The following MCC variants were observed in gnomAD, a reference collection of about 807,000 sequenced individuals.
MCC encodes the protein MCC regulator of Wnt signaling pathway.
MCC carries 90 observed loss-of-function variants against 116.2 expected under a neutral mutation model. The observed-to-expected ratio is 0.77, with a 90% CI of 0.65 to 0.92. The LOEUF (loss-of-function observed/expected upper bound fraction) is 0.92. MCC is among the 40% of genes least tolerant of loss of function. MCC has a pLI of 0.00. For missense variants in MCC, 1,516 were observed against 1,312.2 expected, an observed-to-expected ratio of 1.16 and a Z score of -2.40; for synonymous variants, 578 against 510.5, an observed-to-expected ratio of 1.13 and a Z score of -1.78.
intron 11 of MCC, among the ~76,000 whole-genome samples, 154 bp from the exon 12 acceptor site, chr5:113,071,388 A>C (rs190918932): frequency 6.6e-6 from 1 of 152,366 alleles, no homozygotes; most frequent in Admixed American, 6.5e-5. Context: ...AAGCAACTCT[A>C]CATAAAAGTA....
At chr5:113,217,480 A>G (rs1205750862) in intron 3 of MCC, among the ~76,000 whole-genome samples, 1 of 150,308 alleles carries the variant, frequency 6.7e-6, no homozygotes, top group Non-Finnish European at 1.5e-5. Flanking sequence ...ACAAAACTTC[A>G]TCTTTCTTTA....
chr5:113,229,559 G>A (rs1314664308), intron 3 of MCC, among the ~76,000 whole-genome samples: 1 of 152,164 alleles, frequency 6.6e-6, no homozygotes, highest in Non-Finnish European at 1.5e-5. Context: ...CCCTCTGCAT[G>A]GGTTTAGGAT....
At chr5:113,091,369 G>A (rs1016241469) in intron 8 of MCC, among the ~76,000 whole-genome samples, 2 of 152,132 alleles carry the variant, frequency 1.3e-5, no homozygotes, top group African/African-American at 4.8e-5. Context: ...GGTCCACAAA[G>A]CTGCCAGACA....
rs535268405 is a variant in MCC at position 113,462,004 on chromosome 5, G to C, written c.170+26241C>G. On this transcript the variant is annotated intron_variant, in intron 1 of 18. Coordinates refer to ENST00000408903, the MANE Select transcript of MCC (RefSeq NM_001085377.2). ...GGACACTGTGAATGTAAGTCTGACT[G>C]GTAAAGTAAAAGGGTTTAACCTGCA... 2.1e-4 allele frequency among the ~76,000 whole-genome samples: 32 copies of C among 152,266 alleles called. No homozygotes were observed. In the South Asian group the frequency reaches 6.2e-3, roughly 30 times the overall value.
chr5:113,414,864 T>C (rs1346957140), intron 1 of MCC, among the ~76,000 whole-genome samples: 2 of 152,174 alleles, frequency 1.3e-5, no homozygotes, highest in African/African-American at 4.8e-5. Flanking sequence ...CCTAGCATAG[T>C]TGGTCTTTAC....
At chr5:113,256,333 C>T (rs1414161173) in intron 3 of MCC, among the ~76,000 whole-genome samples, 1 of 152,174 alleles carries the variant, frequency 6.6e-6, no homozygotes, top group Non-Finnish European at 1.5e-5. Context: ...AGATACTCTG[C>T]CAGGTGTTGT....
Position 113,239,417 on chromosome 5 carries a change from G to A in MCC, c.628-87995C>T, listed in dbSNP as rs747550243. On this transcript the variant is annotated intron_variant, in intron 3 of 18. Transcript: ENST00000408903. ...TACTCCCTTTCTCCAGGGGGTCCTCGCATGCAGCAGAGTTCTCAAACACCT... is the reference window on the plus strand; with the variant it reads ...TACTCCCTTTCTCCAGGGGGTCCTCACATGCAGCAGAGTTCTCAAACACCT... 4.6e-5 allele frequency among the ~76,000 whole-genome samples: 7 copies of A among 152,064 alleles called. No individual in the cohort carries two copies. The East Asian group carries it at 7.7e-4, about 17-fold the overall frequency.
chr5:113,094,355 C>T (rs745415524), intron 8 of MCC, among the ~76,000 whole-genome samples: 1 of 151,442 alleles, frequency 6.6e-6, no homozygotes, highest in Non-Finnish European at 1.5e-5. Flanking sequence ...GTTTTATAGC[C>T]CACTAAAGTA....
intron 2 of MCC, among the ~76,000 whole-genome samples, chr5:113,360,874 T>C (rs1768527839): frequency 6.6e-6 from 1 of 152,212 alleles, no homozygotes; most frequent in Non-Finnish European, 1.5e-5. Context: ...ACTCAGTTGC[T>C]ACCTGTGCAA....
intron 3 of MCC, among the ~76,000 whole-genome samples, chr5:113,249,139 GCTCTCTCTCT>G (rs57174154): frequency 1.3e-5 from 2 of 149,274 alleles, no homozygotes; most frequent in Non-Finnish European, 3.0e-5. Flanking sequence ...ACCGCACCCA[GCTCTCTCTCT>G]CTCTCTCTCT....
intron 1 of MCC, among the ~76,000 whole-genome samples, chr5:113,451,956 C>G (rs190291058): frequency 2.0e-4 from 30 of 152,324 alleles, no homozygotes; most frequent in Admixed American, 9.2e-4. Context: ...CTGCCTAAGG[C>G]TGGAATGATC....
intron 1 of MCC, among the ~76,000 whole-genome samples, chr5:113,430,487 AGTAAAATTTTAT>A (rs1324758627): frequency 1.3e-5 from 2 of 152,210 alleles, no homozygotes; most frequent in African/African-American, 4.8e-5. Flanking sequence ...TAGAAACATA[AGTAAAATTTTAT>A]GTTGAGAAGA....
At chr5:113,093,889 T>C (rs1003390968) in intron 8 of MCC, among the ~76,000 whole-genome samples, 4 of 152,186 alleles carry the variant, frequency 2.6e-5, no homozygotes, top group East Asian at 1.9e-4. Context: ...CACTGGGTAG[T>C]TGTAATTTCA....
intron 14 of MCC, among the ~76,000 whole-genome samples, chr5:113,058,843 G>C (rs1335732036): frequency 1.3e-5 from 2 of 152,244 alleles, no homozygotes; most frequent in African/African-American, 4.8e-5. Context: ...GGGAGTAAGA[G>C]AGAAGGTGGC....
chr5:113,471,542 A>G (rs1772090544), intron 1 of MCC, among the ~76,000 whole-genome samples: 1 of 152,052 alleles, frequency 6.6e-6, no homozygotes, highest in Non-Finnish European at 1.5e-5. Flanking sequence ...GTTTTGTCTC[A>G]GAGGAGTACC....
At chr5:113,264,300 C>G (rs893708557) in intron 3 of MCC, among the ~76,000 whole-genome samples, 49 of 152,162 alleles carry the variant, frequency 3.2e-4, no homozygotes, top group African/African-American at 1.2e-3. Flanking sequence ...CATCTGCCTC[C>G]CTCCCCAGTG....
intron 16 of MCC, among the ~76,000 whole-genome samples, chr5:113,046,652 T>G (rs1752092499): frequency 8.0e-6 from 1 of 124,652 alleles, no homozygotes. Context: ...ACTAGCGCTC[T>G]GTCTCTAACT....
At chr5:113,447,645 A>T (rs953252630) in intron 1 of MCC, among the ~76,000 whole-genome samples, 1 of 152,160 alleles carries the variant, frequency 6.6e-6, no homozygotes, top group Non-Finnish European at 1.5e-5. Context: ...AGGATTTTTT[A>T]AAAAGATTTA....
At chr5:113,155,071 A>G (rs1760096235) in intron 3 of MCC, among the ~76,000 whole-genome samples, 1 of 152,022 alleles carries the variant, frequency 6.6e-6, no homozygotes, top group Non-Finnish European at 1.5e-5. Context: ...GGTATCTATC[A>G]TTCTATTCTC....
Sources: allele counts gnomAD v4.1 joint callset (sites outside exome capture counted in the v4.1 genomes callset), GRCh38; gene constraint gnomAD v4.1.1; transcripts MANE v1.5; gene names NCBI Gene and HGNC (gene_info 2026-07-23, HGNC 2026-07-21).